Variants in MDFIC2 observed in about 807,000 individuals in gnomAD.
MDFIC2 encodes MyoD family inhibitor domain containing 2, also known as myoD family inhibitor domain-containing protein 2.
At chr3:70,216,691 A>G (rs1236737021) in intron 2 of MDFIC2, among the ~76,000 whole-genome samples, 1 of 152,158 alleles carries the variant, frequency 6.6e-6, no homozygotes, top group African/African-American at 2.4e-5. Flanking sequence ...ATTGAAAAAC[A>G]TACTCAGGTC....
At chr3:70,310,860 C>G (rs932840870) in intron 2 of MDFIC2, among the ~76,000 whole-genome samples, 3 of 152,094 alleles carry the variant, frequency 2.0e-5, no homozygotes, top group Admixed American at 6.6e-5. Flanking sequence ...CATTCACATG[C>G]TGTAGAATCA....
At chr3:70,247,362 A>C (rs1701716977) in intron 2 of MDFIC2, among the ~76,000 whole-genome samples, 1 of 151,992 alleles carries the variant, frequency 6.6e-6, no homozygotes, top group African/African-American at 2.4e-5. Context: ...TGAATGGTTA[A>C]TGCGGAGAGA....
At chr3:70,257,781 C>CA (rs1454129209) in intron 2 of MDFIC2, among the ~76,000 whole-genome samples, 2 of 152,186 alleles carry the variant, frequency 1.3e-5, no homozygotes, top group African/African-American at 4.8e-5. Flanking sequence ...AAAATCCCAG[C>CA]AGCAGGCATG....
At chr3:70,285,684 A>T (rs966443504) in intron 2 of MDFIC2, among the ~76,000 whole-genome samples, 34 of 150,038 alleles carry the variant, frequency 2.3e-4, no homozygotes, top group Non-Finnish European at 4.5e-4. Context: ...ACAGTGTAAA[A>T]GTGTTCCTAT....
chr3:70,239,520 C>G (rs1267804782), intron 2 of MDFIC2, among the ~76,000 whole-genome samples: 1 of 129,848 alleles, frequency 7.7e-6, no homozygotes, highest in Admixed American at 7.7e-5. Flanking sequence ...AAGCCAATCA[C>G]TTTCTAGGGA....
intron 2 of MDFIC2, among the ~76,000 whole-genome samples, chr3:70,214,060 A>G (rs1701379119): frequency 6.6e-6 from 1 of 152,102 alleles, no homozygotes; most frequent in Non-Finnish European, 1.5e-5. Flanking sequence ...TGAGGGATGA[A>G]GGCTTCTAAA....
At chr3:70,199,860 A>T (rs902741720) in intron 3 of MDFIC2, among the ~76,000 whole-genome samples, 2 of 152,156 alleles carry the variant, frequency 1.3e-5, no homozygotes, top group Admixed American at 6.5e-5. Context: ...TATACCATAT[A>T]TGCTATTGCC....
intron 2 of MDFIC2, among the ~76,000 whole-genome samples, chr3:70,207,223 C>A (rs1701299486): frequency 6.6e-6 from 1 of 151,952 alleles, no homozygotes; most frequent in African/African-American, 2.4e-5. Context: ...CACTTTATTA[C>A]TTTGTTTTTA....
chr3:70,238,228 G>T (rs1486723753), intron 2 of MDFIC2, among the ~76,000 whole-genome samples: 1 of 151,654 alleles, frequency 6.6e-6, no homozygotes, highest in African/African-American at 2.4e-5. Context: ...TTAGCATACT[G>T]GGAGTAACAG....
At chr3:70,230,259 G>A (rs1701545214) in intron 2 of MDFIC2, among the ~76,000 whole-genome samples, 1 of 152,108 alleles carries the variant, frequency 6.6e-6, no homozygotes, top group South Asian at 2.1e-4. Context: ...AGTAAACATA[G>A]TTTAACACCA....
intron 2 of MDFIC2, among the ~76,000 whole-genome samples, chr3:70,268,287 A>G (rs9310186): frequency 0.47 from 71,760 of 151,844 alleles, 17,841 homozygotes; most frequent in East Asian, 0.76. Context: ...CCTGGACAGC[A>G]CGGAGAAACA....
chr3:70,272,866 A>C (rs1186910463), intron 2 of MDFIC2, among the ~76,000 whole-genome samples: 1 of 152,242 alleles, frequency 6.6e-6, no homozygotes. Context: ...AATAAAAAAG[A>C]GATCAGAGGA....
At chr3:70,241,823 A>C (rs1225469828) in intron 2 of MDFIC2, among the ~76,000 whole-genome samples, 1 of 152,222 alleles carries the variant, frequency 6.6e-6, no homozygotes, top group African/African-American at 2.4e-5. Context: ...GGAGAAACTG[A>C]AACTCTGATG....
At chr3:70,281,651 A>T (rs1350009748) in intron 2 of MDFIC2, among the ~76,000 whole-genome samples, 1 of 152,120 alleles carries the variant, frequency 6.6e-6, no homozygotes, top group Non-Finnish European at 1.5e-5. Flanking sequence ...CTCGGTATTT[A>T]TGCACGATGG....
chr3:70,278,127 C>T (rs901579097), intron 2 of MDFIC2, among the ~76,000 whole-genome samples: 1 of 152,146 alleles, frequency 6.6e-6, no homozygotes, highest in African/African-American at 2.4e-5. Context: ...ACCTTTGCCC[C>T]CAACTTCTTC....
chr3:70,274,103 G>T (rs1461339635), intron 2 of MDFIC2, among the ~76,000 whole-genome samples: 1 of 148,580 alleles, frequency 6.7e-6, no homozygotes, highest in Admixed American at 6.8e-5. Flanking sequence ...GCGCGCGCAT[G>T]TGTGTGTGTG....
At chr3:70,230,854 A>G (rs967924152) in intron 2 of MDFIC2, among the ~76,000 whole-genome samples, 50 of 152,214 alleles carry the variant, frequency 3.3e-4, no homozygotes, top group Middle Eastern at 3.4e-3. Flanking sequence ...CTGTGTTACT[A>G]TCTTCCTCCC....
chr3:70,297,711 AT>A (rs1163824180), intron 2 of MDFIC2, among the ~76,000 whole-genome samples: 1 of 151,852 alleles, frequency 6.6e-6, no homozygotes, highest in Non-Finnish European at 1.5e-5. Context: ...GTTTATTATT[AT>A]TTTTTTCCTT....
At chr3:70,251,866 T>A (rs1701772602) in intron 2 of MDFIC2, among the ~76,000 whole-genome samples, 1 of 152,146 alleles carries the variant, frequency 6.6e-6, no homozygotes, top group African/African-American at 2.4e-5. Context: ...AAGAAAGAAA[T>A]AAATGCTTGT....
Sources: allele counts gnomAD v4.1 joint callset (sites outside exome capture counted in the v4.1 genomes callset), GRCh38; gene constraint gnomAD v4.1.1; transcripts MANE v1.5; gene names NCBI Gene and HGNC (gene_info 2026-07-23, HGNC 2026-07-21).